The following OSBPL9 variants were observed in gnomAD, a reference collection of about 807,000 sequenced individuals.
The protein encoded by OSBPL9 is oxysterol binding protein like 9, also known as oxysterol-binding protein-related protein 9.
OSBPL9 carries 40 observed loss-of-function variants against 106.6 expected under a neutral mutation model. The observed-to-expected ratio is 0.38, with a 90% CI of 0.29 to 0.49. The LOEUF is 0.49. OSBPL9 is among the 20% of genes least tolerant of loss of function. The probability of loss-of-function intolerance (pLI) is 0.97; values close to 1 mark genes in which losing one functional copy is unlikely to be tolerated. For missense variants in OSBPL9, 609 were observed against 887.2 expected (o/e 0.69, Z 3.98); for synonymous variants, 269 against 295.4 (o/e 0.91, Z 0.92).
In OSBPL9 at chr1:51,756,623, C is replaced by T. The variant is rs1670395178; in HGVS notation, c.582+265C>T. The T allele has an allele frequency of 7.8e-6, 3 of 384,394 alleles. No homozygotes were observed. In the Admixed American group the frequency reaches 1.2e-4, roughly 15 times the overall value. The allele number at this position is 384,394 out of a possible 1,614,324, so 23.8% of individuals were successfully genotyped here. On this transcript the variant is annotated intron_variant, in intron 9 of 23. Coordinates refer to ENST00000428468, the MANE Select transcript of OSBPL9 (RefSeq NM_024586.6). ...TGAAGGGTTAATCATGGTATGAATA[C>T]TCAGCTTTTACAATTAAATAATGCA...
intron 2 of OSBPL9, among the ~76,000 whole-genome samples, chr1:51,606,617 AT>A (rs540104400): frequency 3.9e-4 from 60 of 152,376 alleles, no homozygotes; most frequent in Non-Finnish European, 6.9e-4. Flanking sequence ...AGGCAGGCAC[AT>A]GATTATAAAT....
chr1:51,634,482 T>G (rs1645297864), intron 1 of OSBPL9, among the ~76,000 whole-genome samples: 1 of 152,192 alleles, frequency 6.6e-6, no homozygotes, highest in Non-Finnish European at 1.5e-5. Flanking sequence ...TCTGAAGGTT[T>G]GAATCCAAGT....
intron 1 of OSBPL9, among the ~76,000 whole-genome samples, chr1:51,581,059 T>G (rs1054854666): frequency 2.0e-5 from 3 of 146,706 alleles, no homozygotes; most frequent in African/African-American, 7.5e-5. Flanking sequence ...TCCTCCTACC[T>G]CAGGCACGTG....
At chr1:51,610,243 A>T (rs965071829) in intron 2 of OSBPL9, among the ~76,000 whole-genome samples, 7 of 146,796 alleles carry the variant, frequency 4.8e-5, no homozygotes, top group Non-Finnish European at 7.5e-5. Flanking sequence ...AGGAACTGAT[A>T]TTTGTTGTTG....
chr1:51,674,412 G>A (rs1650684218), intron 3 of OSBPL9, among the ~76,000 whole-genome samples: 1 of 152,130 alleles, frequency 6.6e-6, no homozygotes, highest in South Asian at 2.1e-4. Flanking sequence ...GGGATTTCAG[G>A]TGTTAGCCAT....
rs1202560618 is a variant in OSBPL9, at chr1:51,596,279, AG to A, written c.-422-1843del. Reference sequence around the variant, plus strand: ...GTCTCAAAAAAAAAAAAAAAAAAAAAGGCCAGGCACAGTGGCTCATGCCTGT... The same window carrying A: ...GTCTCAAAAAAAAAAAAAAAAAAAAAGCCAGGCACAGTGGCTCATGCCTGT... On this transcript the variant is annotated intron_variant, in intron 1 of 25. Coordinates refer to the OSBPL9 transcript ENST00000371714. Among the ~76,000 whole-genome samples, 564 of 149,478 alleles carry A rather than the reference AG, an allele frequency of 3.8e-3. 2 individuals are homozygous for A. The highest frequency in any genetic ancestry group is 0.014 in the African/African-American group (547 of 40,506).
intron 2 of OSBPL9, among the ~76,000 whole-genome samples, chr1:51,663,736 C>T (rs1327028376): frequency 1.8e-4 from 27 of 152,124 alleles, no homozygotes; most frequent in Non-Finnish European, 1.5e-5. Flanking sequence ...TAGATACTTG[C>T]TTAATTTATA....
At chr1:51,768,037 G>T (rs1672989165) in intron 12 of OSBPL9, among the ~76,000 whole-genome samples, 1 of 147,984 alleles carries the variant, frequency 6.8e-6, no homozygotes, top group Non-Finnish European at 1.5e-5. Context: ...CGCCTCCCGG[G>T]TTCACGCCAT....
At chr1:51,782,146 A>C (rs1287918009) in intron 16 of OSBPL9, among the ~76,000 whole-genome samples, 1 of 152,206 alleles carries the variant, frequency 6.6e-6, no homozygotes, top group African/African-American at 2.4e-5. Flanking sequence ...TGCATGTAAA[A>C]AGGCTTTAAG....
At chr1:51,752,625 G>A (rs908174398) in intron 8 of OSBPL9, 1 of 449,248 alleles carries the variant, frequency 2.2e-6, no homozygotes, top group Non-Finnish European at 4.4e-6. Context: ...CACCGTTCTG[G>A]AAGCCAGAAG....
At chr1:51,525,170 T>C in the OSBPL9 span, among the ~76,000 whole-genome samples, 1,080 of 152,336 alleles carry the variant, frequency 7.1e-3, 8 homozygotes, top group African/African-American at 0.025. Context: ...AGAGTCAAAT[T>C]TGATTTCAAA....
At position 51,767,223 on chromosome 1, in the gene OSBPL9, G is replaced by A. The variant is rs554494327; in HGVS notation, c.938+1242G>A. Among the ~76,000 whole-genome samples, 4 of 151,806 alleles carry A rather than the reference G, an allele frequency of 2.6e-5. 1 individual carries two copies. In the South Asian group the frequency reaches 8.3e-4, roughly 32 times the overall value. On this transcript the variant is annotated intron_variant, in intron 12 of 23. Transcript: ENST00000428468. ...AGCTTGGGCAACATGGTAAAACCCT[G>A]TCTCTAAAAAAATACAAAAATTAGC...
At position 51,781,365 on chromosome 1, in the gene OSBPL9, T is replaced by C. The variant is rs1676346145; in HGVS notation, c.1428+30T>C. The stretch of plus-strand genomic sequence containing the variant: ...GTTCTGCATTGACATTTTTAAATTA[T>C]CTTAATTGTATACTGATTCAAGATT... On this transcript the variant is annotated intron_variant, in intron 16 of 23. Coordinates refer to ENST00000428468, the MANE Select transcript of OSBPL9 (RefSeq NM_024586.6). 4 of 1,596,420 alleles carry C rather than the reference T, an allele frequency of 2.5e-6. No homozygotes were observed. The African/African-American group carries it at 4.0e-5, about 16-fold the overall frequency.
intron 2 of OSBPL9, among the ~76,000 whole-genome samples, chr1:51,653,969 TCCAG>T (rs963227170): frequency 4.6e-5 from 7 of 151,606 alleles, no homozygotes; most frequent in African/African-American, 1.7e-4. Context: ...GCCACTGCCT[TCCAG>T]CCTGGGTGAC....
Position 51,644,106 on chromosome 1 carries a change from AG to A in OSBPL9, c.112-7884del, listed in dbSNP as rs1171619088. 9.7e-5 allele frequency among the ~76,000 whole-genome samples: 14 copies of A among 144,502 alleles called. No homozygotes were observed. The East Asian group carries it at 1.9e-3, about 19-fold the overall frequency. The allele number at this position is 144,502 out of a possible 152,430, so 94.8% of individuals were successfully genotyped here. Reference sequence around the variant, plus strand: ...AAAAAAAAAAAAAAAAAAAAAAAAAAGCAGGTGATACAATATTGGGATGTAT... The same window carrying A: ...AAAAAAAAAAAAAAAAAAAAAAAAAACAGGTGATACAATATTGGGATGTAT... On this transcript the variant is annotated intron_variant, in intron 1 of 23. Coordinates refer to ENST00000428468, the MANE Select transcript of OSBPL9 (RefSeq NM_024586.6).
chr1:51,681,938 AC>A (rs1364005696), intron 3 of OSBPL9, among the ~76,000 whole-genome samples: 1 of 152,204 alleles, frequency 6.6e-6, no homozygotes, highest in Middle Eastern at 3.2e-3. Flanking sequence ...GTGGTGACTC[AC>A]GCCTGTAATC....
At chr1:51,521,365 A>G in the OSBPL9 span, among the ~76,000 whole-genome samples, 1 of 152,202 alleles carries the variant, frequency 6.6e-6, no homozygotes, top group African/African-American at 2.4e-5. Flanking sequence ...GACTCCTCCA[A>G]ACCATATGAG....
At chr1:51,703,860 T>C (rs933817535) in intron 3 of OSBPL9, among the ~76,000 whole-genome samples, 1 of 152,248 alleles carries the variant, frequency 6.6e-6, no homozygotes, top group African/African-American at 2.4e-5. Context: ...TGTTGAATTT[T>C]GTCAAAGGCC....
chr1:51,772,886 T>C (rs1674247005), intron 14 of OSBPL9, among the ~76,000 whole-genome samples, 163 bp downstream of exon 14: 1 of 152,220 alleles, frequency 6.6e-6, no homozygotes, highest in South Asian at 2.1e-4. Flanking sequence ...ATTTTATAAA[T>C]GATGAAATAA....
Sources: allele counts gnomAD v4.1 joint callset (sites outside exome capture counted in the v4.1 genomes callset), GRCh38; gene constraint gnomAD v4.1.1; transcripts MANE v1.5; gene names NCBI Gene and HGNC (gene_info 2026-07-23, HGNC 2026-07-21).